NAV3: variants seen among roughly 807,000 people sequenced by gnomAD.
NAV3 encodes the protein pore membrane and/or filament interacting like protein 1.
A neutral mutation model predicts 244.7 loss-of-function variants in NAV3; 87 were observed. That is an observed-to-expected ratio of 0.36 (90% CI 0.30 to 0.42). The LOEUF is 0.42. Ranked by LOEUF, NAV3 falls within the 20% of genes least tolerant of loss-of-function variation. The pLI, the probability that NAV3 is intolerant of heterozygous loss-of-function variation, is 1.00. For missense variants in NAV3, 2,663 were observed against 2,893.3 expected (o/e 0.92, Z 1.83); for synonymous variants, 1,126 against 1,042.2 (o/e 1.08, Z -1.55).
Position 78,119,729 on chromosome 12 carries a change from T to A in NAV3, c.3533T>A (p.Leu1178Gln), listed in dbSNP as rs1349222410. The A allele has an allele frequency of 6.2e-7, 1 of 1,613,772 alleles. No individual in the cohort carries two copies. Among genetic ancestry groups the A allele is most frequent in the Non-Finnish European group, 8.5e-7 (1 of 1,179,918 alleles). ...TCTGCTGGGGCCACCACCTCGAAAC[T>A]GAGAGAACCAACTAAAATTGGGTCA... ...SKSAGATTSKLREPTKIGSGR... is the reference protein window; with the variant it reads ...SKSAGATTSKQREPTKIGSGR... The change falls in exon 15 of 40, where the codon CTG (leucine) becomes CAG (glutamine). Residue 1178 changes from leucine to glutamine, a missense_variant. Transcript: ENST00000397909.
rs1960951002 is a variant in NAV3, at chr12:78,212,438, T to G, written c.*1921T>G. On this transcript the variant is annotated 3_prime_UTR_variant, in exon 40 of 40. Coordinates refer to ENST00000397909, the MANE Select transcript of NAV3 (RefSeq NM_001024383.2). ...GTGCAGTTTTCAGAGTGTCACAAAG[T>G]CAATAGGTCCTTACACGGTGCTATT... 1.3e-5 allele frequency: 2 copies of G among 152,620 alleles called. No homozygotes were observed. The highest frequency in any genetic ancestry group is 4.8e-5 in the African/African-American group (2 of 41,450). 9.5% of individuals were successfully genotyped at this position (152,620 alleles called of 1,614,324 possible). A position where few individuals can be genotyped will look rare whatever the true frequency, so the allele number is the denominator to read the frequency against.
chr12:77,886,847 G>T (rs546431079), intron 1 of NAV3, among the ~76,000 whole-genome samples: 1 of 152,092 alleles, frequency 6.6e-6, no homozygotes, highest in East Asian at 1.9e-4. Context: ...TATACCCCTC[G>T]ATTTTAATCA....
chr12:77,692,212 A>G (rs1277398495), intron 2 of NAV3, among the ~76,000 whole-genome samples: 1 of 152,066 alleles, frequency 6.6e-6, no homozygotes, highest in African/African-American at 2.4e-5. Context: ...TACAGTGAAT[A>G]TATTATTTCA....
chr12:77,885,407 A>G (rs1348479414), intron 1 of NAV3, among the ~76,000 whole-genome samples: 3 of 152,122 alleles, frequency 2.0e-5, no homozygotes, highest in Non-Finnish European at 4.4e-5. Context: ...TTTCAGAAAA[A>G]GATAACGATA....
intron 2 of NAV3, among the ~76,000 whole-genome samples, chr12:77,819,826 C>T (rs1385930002): frequency 6.6e-6 from 1 of 152,052 alleles, no homozygotes; most frequent in African/African-American, 2.4e-5. Context: ...ACATTTAAAA[C>T]AGGAACGAGA....
chr12:78,197,215 C>T (rs1190304402), intron 34 of NAV3, 32 bp from the exon 35 acceptor site: 1 of 1,474,100 alleles, frequency 6.8e-7, no homozygotes, highest in Admixed American at 2.2e-5. Context: ...AAATTTATCA[C>T]TGACGTATCT....
intron 8 of NAV3, among the ~76,000 whole-genome samples, chr12:78,013,875 G>GT (rs1208051326): frequency 1.3e-5 from 2 of 151,828 alleles, no homozygotes; most frequent in African/African-American, 4.8e-5. Flanking sequence ...TTTTCATTCT[G>GT]TTTTTTTAAA....
chr12:78,058,885 G>T, intron 11 of NAV3, 111 bp from the exon 12 acceptor site: 7 of 837,114 alleles, frequency 8.4e-6, no homozygotes, highest in Non-Finnish European at 1.2e-5. Flanking sequence ...CAAGATAATA[G>T]AATATATTTG....
At chr12:77,802,477 A>G (rs1871758910) in intron 2 of NAV3, among the ~76,000 whole-genome samples, 1 of 152,232 alleles carries the variant, frequency 6.6e-6, no homozygotes, top group African/African-American at 2.4e-5. Context: ...TTTAGGAAGG[A>G]AAGACAGACA....
At chr12:77,785,424 G>T (rs1369960101) in intron 2 of NAV3, among the ~76,000 whole-genome samples, 2 of 152,098 alleles carry the variant, frequency 1.3e-5, no homozygotes, top group Non-Finnish European at 2.9e-5. Context: ...TTGTAAAAGA[G>T]CTTGGATGTT....
At chr12:77,651,380 T>G (rs1228636482) in intron 2 of NAV3, among the ~76,000 whole-genome samples, 1 of 152,208 alleles carries the variant, frequency 6.6e-6, no homozygotes, top group Non-Finnish European at 1.5e-5. Context: ...TCCATTTTGT[T>G]GTTGATTTAG....
intron 2 of NAV3, among the ~76,000 whole-genome samples, chr12:77,767,906 A>G (rs1285284060): frequency 6.6e-6 from 1 of 152,190 alleles, no homozygotes; most frequent in Non-Finnish European, 1.5e-5. Flanking sequence ...ACCATTTGGC[A>G]GGTCCCAAGT....
At chr12:77,734,836 A>G (rs1877270824) in intron 2 of NAV3, among the ~76,000 whole-genome samples, 2 of 152,154 alleles carry the variant, frequency 1.3e-5, no homozygotes, top group Non-Finnish European at 1.5e-5. Context: ...TTTAAGTGAA[A>G]GTAAATACTA....
At chr12:77,594,556 G>T (rs149409352) in intron 2 of NAV3, among the ~76,000 whole-genome samples, 1 of 152,130 alleles carries the variant, frequency 6.6e-6, no homozygotes, top group Non-Finnish European at 1.5e-5. Context: ...GGGTTTTAGG[G>T]CATTAACATG....
intron 2 of NAV3, among the ~76,000 whole-genome samples, chr12:77,607,602 T>G (rs1870727056): frequency 6.6e-6 from 1 of 152,064 alleles, no homozygotes; most frequent in Admixed American, 6.6e-5. Context: ...AAAACCAGTA[T>G]GGTGGGGTGG....
chr12:78,159,750 T>C (rs1318550986), intron 23 of NAV3, among the ~76,000 whole-genome samples: 1 of 152,116 alleles, frequency 6.6e-6, no homozygotes, highest in Non-Finnish European at 1.5e-5. Flanking sequence ...TTTAAAGATT[T>C]TATCAGTTTA....
At chr12:78,051,625 CTA>C (rs1281202187) in intron 11 of NAV3, among the ~76,000 whole-genome samples, 1 of 152,100 alleles carries the variant, frequency 6.6e-6, no homozygotes. Flanking sequence ...AAGTTTCACT[CTA>C]TTCATTTTCT....
intron 2 of NAV3, among the ~76,000 whole-genome samples, chr12:77,822,746 T>A (rs573134948): frequency 6.6e-6 from 1 of 152,324 alleles, no homozygotes; most frequent in South Asian, 2.1e-4. Context: ...TTCAAATCAT[T>A]CAAACATTTT....
intron 31 of NAV3, 101 bp downstream of exon 31, chr12:78,185,799 C>A: frequency 2.0e-6 from 2 of 979,344 alleles, no homozygotes; most frequent in Non-Finnish European, 3.0e-6. Context: ...TATCCTACAA[C>A]AATTGTGGAT....
Sources: allele counts gnomAD v4.1 joint callset (sites outside exome capture counted in the v4.1 genomes callset), GRCh38; gene constraint gnomAD v4.1.1; transcripts MANE v1.5; gene names NCBI Gene and HGNC (gene_info 2026-07-23, HGNC 2026-07-21).